Variants in TTC27 observed in about 807,000 individuals in gnomAD.
TTC27 encodes the protein tetratricopeptide repeat protein 27.
TTC27 carries 79 observed loss-of-function variants against 115.9 expected under a neutral mutation model. The ratio of observed to expected loss-of-function variants is 0.68; its 90% CI spans 0.57 to 0.82. The LOEUF (loss-of-function observed/expected upper bound fraction) is 0.82, where lower values mean the gene tolerates loss of function less well. Among genes scored for constraint, TTC27 ranks in the 40% least tolerant of loss-of-function variants. The pLI is 0.00. For missense variants in TTC27, 1,054 were observed against 993.1 expected (o/e 1.06, Z -0.82); for synonymous variants, 401 against 356.0 (o/e 1.13, Z -1.42).
Position 32,742,054 on chromosome 2 carries a change from A to G in TTC27, c.1452+5238A>G, listed in dbSNP as rs963023971. ...GGGCCTTATATGTACTGCATTCTTT[A>G]TATAATTATTTTATAATTGTCATAT... On this transcript the variant is annotated intron_variant, in intron 12 of 19. Coordinates refer to ENST00000317907, the MANE Select transcript of TTC27 (RefSeq NM_017735.5). 4.6e-5 allele frequency among the ~76,000 whole-genome samples: 7 copies of G among 152,234 alleles called. No individual in the cohort carries two copies. In the East Asian group the frequency reaches 1.3e-3, roughly 29 times the overall value.
chr2:32,640,534 A>C (rs768518854), intron 4 of TTC27, 124 bp downstream of exon 4: 171 of 1,031,284 alleles, frequency 1.7e-4, no homozygotes, highest in Admixed American at 3.7e-4. Flanking sequence ...TAGGTATGTA[A>C]TTTAAAAATC....
chr2:32,794,939 G>A (rs913455380), intron 16 of TTC27, among the ~76,000 whole-genome samples: 2 of 151,980 alleles, frequency 1.3e-5, no homozygotes, highest in African/African-American at 2.4e-5. Context: ...GATAGAATCA[G>A]GAATCAAAAA....
rs577309176 is a variant in TTC27, at chr2:32,686,310, A to G, written c.1119+7388A>G. ...GAATCCCCATAGGCATTTTTTTTTT[A>G]TTTGCAGAAATTGACATGCTGATTC... On this transcript the variant is annotated intron_variant, in intron 9 of 19. Transcript: ENST00000317907. Among the ~76,000 whole-genome samples, 46 of 151,012 alleles carry G rather than the reference A, an allele frequency of 3.0e-4. No individual in the cohort carries two copies. The East Asian group carries it at 7.4e-3, about 24-fold the overall frequency.
intron 1 of TTC27, among the ~76,000 whole-genome samples, chr2:32,629,965 G>A (rs1664111416): frequency 6.6e-6 from 1 of 152,128 alleles, no homozygotes; most frequent in South Asian, 2.1e-4. Flanking sequence ...TTGGTGGCCT[G>A]GAAAACTTTC....
intron 8 of TTC27, among the ~76,000 whole-genome samples, chr2:32,673,274 G>T (rs1279762038): frequency 6.7e-6 from 1 of 149,324 alleles, no homozygotes; most frequent in Non-Finnish European, 1.5e-5. Flanking sequence ...GCCTAGGCTG[G>T]AGTGCAATGG....
intron 8 of TTC27, among the ~76,000 whole-genome samples, chr2:32,676,242 T>A (rs1666200718): frequency 6.6e-6 from 1 of 152,018 alleles, no homozygotes; most frequent in African/African-American, 2.4e-5. Flanking sequence ...ACCTCTCTTA[T>A]ACCTCATTCT....
Position 32,812,570 on chromosome 2 carries a change from ACAT to A in TTC27, c.2267_2269del (p.Ser756del). The A allele has an allele frequency of 6.2e-7, 1 of 1,614,132 alleles. No homozygotes were observed. Among genetic ancestry groups the A allele is most frequent in the African/African-American group, 1.3e-5 (1 of 75,070 alleles). On this transcript the variant is annotated inframe_deletion, in exon 18 of 20. Coordinates refer to ENST00000317907, the MANE Select transcript of TTC27 (RefSeq NM_017735.5). Reference sequence around the variant, plus strand: ...GTCCAATTGTTGGGAGAAAGATATTACATCATTTAAGGAAGTTGTTCAAAGAGC... The same window carrying A: ...GTCCAATTGTTGGGAGAAAGATATTACATTTAAGGAAGTTGTTCAAAGAGC...
At chr2:32,681,415 A>T (rs1419128845) in intron 9 of TTC27, among the ~76,000 whole-genome samples, 2 of 152,148 alleles carry the variant, frequency 1.3e-5, no homozygotes, top group African/African-American at 4.8e-5. Flanking sequence ...CGAAGTGGAT[A>T]AGATGATGAA....
At chr2:32,761,862 T>A (rs1409835132) in intron 13 of TTC27, among the ~76,000 whole-genome samples, 1 of 152,148 alleles carries the variant, frequency 6.6e-6, no homozygotes, top group African/African-American at 2.4e-5. Flanking sequence ...CTTGTACTTA[T>A]CAGATATTCA....
rs542899207 is a variant in TTC27, at chr2:32,727,263, T to C, written c.1234-6565T>C. On this transcript the variant is annotated intron_variant, in intron 10 of 19. Transcript: ENST00000317907. ...TGATATTAATGCATGTAGTTTTAAA[T>C]TTTTTTGTGAAATGTGTCCACATTG... Among the ~76,000 whole-genome samples the C allele has an allele frequency of 7.2e-5, 11 of 152,354 alleles. No individual in the cohort carries two copies. In the South Asian group the frequency reaches 2.3e-3, roughly 32 times the overall value.
chr2:32,797,704 A>G (rs961133696), intron 16 of TTC27, among the ~76,000 whole-genome samples: 21 of 152,346 alleles, frequency 1.4e-4, no homozygotes, highest in Admixed American at 5.2e-4. Context: ...AGATTTGGCA[A>G]TGATTTCTTG....
In TTC27 at chr2:32,635,313, G is replaced by C. The variant is rs1664375344; in HGVS notation, c.396+1308G>C. The C allele has an allele frequency of 2.6e-5, 4 of 153,922 alleles. 2 individuals are homozygous for C. The South Asian group carries it at 8.2e-4, about 31-fold the overall frequency. 9.5% of individuals were successfully genotyped at this position (153,922 alleles called of 1,614,324 possible). ...CCTGGAAAAAGCTGAGTGATTGATA[G>C]CTATGTTCAAAATCACCAAATTGTA... On this transcript the variant is annotated intron_variant, in intron 3 of 19. Transcript: ENST00000317907.
rs192984854 is a variant in TTC27, at chr2:32,651,564, T to C, written c.640+1331T>C. 3.5e-3 allele frequency among the ~76,000 whole-genome samples: 537 copies of C among 152,292 alleles called. 3 individuals are homozygous for C. Among genetic ancestry groups the C allele is most frequent in the African/African-American group, 0.012 (518 of 41,550 alleles). On this transcript the variant is annotated intron_variant, in intron 5 of 19. Transcript: ENST00000317907. Reference sequence around the variant, plus strand: ...TTTCTCCATGTTGGTCAGGCTTGTCTTGAACTCCCGACCTCAGGTATCAGC... The same window carrying C: ...TTTCTCCATGTTGGTCAGGCTTGTCCTGAACTCCCGACCTCAGGTATCAGC...
At chr2:32,637,713 AT>A (rs1202879365) in intron 3 of TTC27, among the ~76,000 whole-genome samples, 1 of 152,156 alleles carries the variant, frequency 6.6e-6, no homozygotes, top group Non-Finnish European at 1.5e-5. Context: ...TCAGCTTGTT[AT>A]ATCTACTTGA....
At chr2:32,696,547 G>A (rs1158960197) in intron 9 of TTC27, among the ~76,000 whole-genome samples, 1 of 151,950 alleles carries the variant, frequency 6.6e-6, no homozygotes, top group Non-Finnish European at 1.5e-5. Flanking sequence ...ACCTGCCTCG[G>A]CCTCCGAAAG....
At chr2:32,705,388 AT>A (rs1211093403) in intron 10 of TTC27, among the ~76,000 whole-genome samples, 1 of 152,210 alleles carries the variant, frequency 6.6e-6, no homozygotes, top group Non-Finnish European at 1.5e-5. Flanking sequence ...CACAAAACAG[AT>A]TAACACAGGG....
chr2:32,744,600 G>A (rs2151920585), intron 12 of TTC27, among the ~76,000 whole-genome samples: 1 of 152,300 alleles, frequency 6.6e-6, no homozygotes, highest in East Asian at 1.9e-4. Flanking sequence ...AAGGAGTTGA[G>A]GAAGAAGATA....
At chr2:32,754,512 A>G (rs958299170) in intron 12 of TTC27, among the ~76,000 whole-genome samples, 3 of 149,678 alleles carry the variant, frequency 2.0e-5, no homozygotes, top group Admixed American at 6.6e-5. Context: ...TTCTTAGTAC[A>G]GAACAAAATG....
intron 13 of TTC27, among the ~76,000 whole-genome samples, chr2:32,771,743 T>C (rs1178314121): frequency 6.6e-6 from 1 of 152,160 alleles, no homozygotes; most frequent in African/African-American, 2.4e-5. Context: ...GCATCAAGCA[T>C]CACTTTAGGA....
Sources: gnomAD v4.1 joint callset for allele counts (sites outside exome capture counted in the v4.1 genomes callset) on GRCh38, gnomAD v4.1.1 for gene constraint, MANE v1.5 for transcripts, NCBI Gene and HGNC (gene_info 2026-07-23, HGNC 2026-07-21) for gene names.